The following CLMP variants were observed in gnomAD, a reference collection of about 807,000 sequenced individuals.
The protein encoded by CLMP is CXADR-like membrane protein.
A neutral mutation model predicts 45.2 loss-of-function variants in CLMP; 27 were observed. That is an observed-to-expected ratio of 0.60 (90% CI 0.44 to 0.82). The LOEUF (loss-of-function observed/expected upper bound fraction) is 0.82. CLMP is among the 40% of genes least tolerant of loss of function. CLMP has a pLI of 0.00. For synonymous variants in CLMP, 167 were observed against 171.4 expected, an observed-to-expected ratio of 0.97 and a Z score of 0.20; for missense variants, 403 against 448.4, an observed-to-expected ratio of 0.90 and a Z score of 0.91.
At chr11:123,161,891 T>C (rs963842874) in intron 1 of CLMP, among the ~76,000 whole-genome samples, 2 of 152,170 alleles carry the variant, frequency 1.3e-5, no homozygotes, top group African/African-American at 4.8e-5. Flanking sequence ...GTGCTAACGA[T>C]GCACTGGCTC....
chr11:123,091,179 A>T (rs1865928417), intron 2 of CLMP, among the ~76,000 whole-genome samples: 1 of 152,008 alleles, frequency 6.6e-6, no homozygotes, highest in Non-Finnish European at 1.5e-5. Flanking sequence ...ATCTTGGCTC[A>T]CTGCAACCTT....
chr11:123,192,979 A>T (rs1861929075), intron 1 of CLMP: 1 of 152,242 alleles, frequency 6.6e-6, no homozygotes, highest in Non-Finnish European at 1.5e-5. Flanking sequence ...CAGGTGCTCA[A>T]AAAGTGCAAA....
intron 1 of CLMP, among the ~76,000 whole-genome samples, chr11:123,141,270 C>T (rs939416267): frequency 8.8e-5 from 13 of 147,962 alleles, no homozygotes; most frequent in East Asian, 7.9e-4. Flanking sequence ...CTGCAACCTC[C>T]GCCTCCCAGG....
intron 5 of CLMP, among the ~76,000 whole-genome samples, chr11:123,080,456 TA>T (rs771221121): frequency 5.3e-5 from 8 of 151,878 alleles, no homozygotes; most frequent in Non-Finnish European, 1.0e-4. Flanking sequence ...GCCTCCCAAG[TA>T]GCTGGGATTA....
At chr11:123,086,893 TA>T (rs764693342) in intron 2 of CLMP, among the ~76,000 whole-genome samples, 3 of 151,518 alleles carry the variant, frequency 2.0e-5, no homozygotes, top group East Asian at 3.9e-4. Flanking sequence ...AAATAAAATT[TA>T]AAAAAAGAAA....
intron 2 of CLMP, among the ~76,000 whole-genome samples, chr11:123,087,781 A>G (rs1424358623): frequency 6.6e-6 from 1 of 152,034 alleles, no homozygotes; most frequent in Non-Finnish European, 1.5e-5. Context: ...AGATCATGCC[A>G]CTGCACTCCA....
chr11:123,112,928 C>T (rs141019488), intron 1 of CLMP, among the ~76,000 whole-genome samples: 2,675 of 151,958 alleles, frequency 0.018, 82 homozygotes, highest in African/African-American at 0.06. Flanking sequence ...TGCCCGCCAC[C>T]ACGCCCTGCT....
chr11:123,153,559 CAT>C (rs1327795288), intron 1 of CLMP, among the ~76,000 whole-genome samples: 2 of 152,224 alleles, frequency 1.3e-5, no homozygotes, highest in African/African-American at 4.8e-5. Flanking sequence ...AACACACACA[CAT>C]AAAGAGCATA....
chr11:123,084,135 GTT>G (rs563378644), intron 3 of CLMP, among the ~76,000 whole-genome samples: 79 of 152,306 alleles, frequency 5.2e-4, no homozygotes, highest in African/African-American at 1.8e-3. Context: ...TTTTAGGAAA[GTT>G]GAGCATGGTT....
At chr11:123,088,239 A>G (rs918981299) in intron 2 of CLMP, among the ~76,000 whole-genome samples, 5 of 152,098 alleles carry the variant, frequency 3.3e-5, no homozygotes, top group Non-Finnish European at 7.4e-5. Flanking sequence ...CAGGTGATAG[A>G]GCTGACTTAG....
chr11:123,113,737 G>A (rs1860676896), intron 1 of CLMP, among the ~76,000 whole-genome samples: 1 of 152,180 alleles, frequency 6.6e-6, no homozygotes, highest in Non-Finnish European at 1.5e-5. Flanking sequence ...GACTATTTGG[G>A]AGTAATGTTT....
At chr11:123,125,554 T>TCCCCTC (rs1344632724) in intron 1 of CLMP, among the ~76,000 whole-genome samples, 5 of 71,344 alleles carry the variant, frequency 7.0e-5, no homozygotes, top group African/African-American at 2.6e-4. Flanking sequence ...TCCCCTCCCC[T>TCCCCTC]CCCTCCCTTC....
chr11:123,163,965 G>T lies in CLMP; in HGVS notation c.28+30948C>A, dbSNP rs528934962. ...TCTGTAAAATGCAACAATGACAATA[G>T]TGCCCACATTTTGTTTTATTAAAAA... On this transcript the variant is annotated intron_variant, in intron 1 of 6. Coordinates refer to ENST00000448775, the MANE Select transcript of CLMP (RefSeq NM_024769.5). 1.2e-3 allele frequency among the ~76,000 whole-genome samples: 185 copies of T among 152,208 alleles called. 5 individuals are homozygous for T. In the South Asian group the frequency reaches 0.037, roughly 30 times the overall value.
intron 1 of CLMP, among the ~76,000 whole-genome samples, chr11:123,117,042 A>G (rs1023820041): frequency 2.0e-5 from 3 of 152,184 alleles, no homozygotes; most frequent in Admixed American, 2.0e-4. Context: ...TGAGGTTAGG[A>G]GTTCGAGACC....
chr11:123,102,279 GTTTTTTTTTT>G (rs1174991262), intron 1 of CLMP, among the ~76,000 whole-genome samples: 2 of 120,922 alleles, frequency 1.7e-5, no homozygotes, highest in Non-Finnish European at 3.3e-5. Flanking sequence ...ATCTTTCCAG[GTTTTTTTTTT>G]TTTTTTTTTT....
chr11:123,113,835 T>C (rs1860678838), intron 1 of CLMP, among the ~76,000 whole-genome samples: 1 of 152,210 alleles, frequency 6.6e-6, no homozygotes, highest in African/African-American at 2.4e-5. Flanking sequence ...ATACAGCAGG[T>C]ACCTCTCTGA....
intron 1 of CLMP, among the ~76,000 whole-genome samples, chr11:123,154,617 T>G (rs572058063): frequency 1.3e-5 from 2 of 152,320 alleles, no homozygotes; most frequent in African/African-American, 4.8e-5. Context: ...GGTGACCACT[T>G]AGGACTAGGG....
intron 2 of CLMP, among the ~76,000 whole-genome samples, chr11:123,092,888 G>A (rs1231631409): frequency 6.8e-6 from 1 of 147,548 alleles, no homozygotes; most frequent in African/African-American, 2.5e-5. Context: ...GTGAGCCACT[G>A]TGCCTGGCCT....
intron 1 of CLMP, among the ~76,000 whole-genome samples, chr11:123,099,444 T>C (rs1329680551): frequency 6.6e-6 from 1 of 152,224 alleles, no homozygotes; most frequent in Non-Finnish European, 1.5e-5. Flanking sequence ...CAATTAATTA[T>C]AGGGTTCAGG....
Sources: gnomAD v4.1 joint callset for allele counts (sites outside exome capture counted in the v4.1 genomes callset) on GRCh38, gnomAD v4.1.1 for gene constraint, MANE v1.5 for transcripts, NCBI Gene and HGNC (gene_info 2026-07-23, HGNC 2026-07-21) for gene names.